C1QTNF9: variants seen among roughly 807,000 people sequenced by gnomAD.
C1QTNF9 encodes complement C1q and tumor necrosis factor-related protein 9A.
Under a neutral mutation model 10.1 loss-of-function variants are expected in C1QTNF9, and 6 were observed. That is an observed-to-expected ratio of 0.59 (90% CI 0.32 to 1.17). The LOEUF is 1.17. C1QTNF9 is among the 50% of genes most tolerant of loss of function. The probability of loss-of-function intolerance (pLI) is 0.04; values close to 1 mark genes in which losing one functional copy is unlikely to be tolerated. For missense variants in C1QTNF9, 201 were observed against 418.8 expected (o/e 0.48, Z 4.54); for synonymous variants, 98 against 163.5 (o/e 0.60, Z 3.06).
At chr13:24,312,962 A>G (rs1035262862) in intron 1 of C1QTNF9, among the ~76,000 whole-genome samples, 7 of 151,346 alleles carry the variant, frequency 4.6e-5, no homozygotes, top group Non-Finnish European at 1.5e-5. Context: ...CTCAAAAAAA[A>G]AAAAAAAGAA....
At chr13:24,314,097 G>A (rs933550506) in intron 1 of C1QTNF9, among the ~76,000 whole-genome samples, 9 of 152,164 alleles carry the variant, frequency 5.9e-5, no homozygotes, top group African/African-American at 1.7e-4. Flanking sequence ...GAATTTTAGG[G>A]ATAGCAATAC....
intron 1 of C1QTNF9, among the ~76,000 whole-genome samples, chr13:24,312,145 C>CT (rs1877850257): frequency 6.6e-6 from 1 of 152,238 alleles, no homozygotes; most frequent in Admixed American, 6.5e-5. Flanking sequence ...GATACCCAGT[C>CT]ACCTTCCCAA....
chr13:24,315,198 C>A (rs1877979715), intron 1 of C1QTNF9, among the ~76,000 whole-genome samples: 1 of 152,188 alleles, frequency 6.6e-6, no homozygotes, highest in African/African-American at 2.4e-5. Flanking sequence ...ACCCATCAAA[C>A]AACTCCCATT....
intron 2 of C1QTNF9, among the ~76,000 whole-genome samples, chr13:24,317,980 AT>A (rs1289854243): frequency 6.6e-6 from 1 of 152,090 alleles, no homozygotes; most frequent in East Asian, 1.9e-4. Flanking sequence ...CGTGACAGAA[AT>A]AAGTCTGCCT....
At chr13:24,308,782 T>G (rs569596602), upstream of C1QTNF9, among the ~76,000 whole-genome samples, 44 of 152,358 alleles carry the variant, frequency 2.9e-4, no homozygotes, top group African/African-American at 1.0e-3. Flanking sequence ...CCTCTGCTCC[T>G]GCTGCGTGCA....
At chr13:24,321,495 C>T in exon 4 of C1QTNF9, 2 of 1,613,742 alleles carry the variant, frequency 1.2e-6, no homozygotes, top group Non-Finnish European at 8.5e-7. Context: ...AATTCACGTG[C>T]CACATTGCTG....
At chr13:24,322,397 A>C (rs1208633316) in exon 4 of C1QTNF9, 1 of 152,140 alleles carries the variant, frequency 6.6e-6, no homozygotes, top group African/African-American at 2.4e-5. Flanking sequence ...CACTTTGCTC[A>C]TTTTCTAACC....
At chr13:24,322,411 GT>G in exon 4 of C1QTNF9, 1 of 152,292 alleles carries the variant, frequency 6.6e-6, no homozygotes, top group East Asian at 1.9e-4. Flanking sequence ...TCTAACCTAG[GT>G]TTTAATCACC....
intron 1 of C1QTNF9, among the ~76,000 whole-genome samples, chr13:24,310,176 C>A (rs565632467): frequency 1.3e-5 from 2 of 150,286 alleles, no homozygotes; most frequent in East Asian, 4.0e-4. Context: ...TTTTTTGAGA[C>A]AGAGTCTCAC....
upstream of C1QTNF9, among the ~76,000 whole-genome samples, chr13:24,309,134 C>T (rs1877715761): frequency 6.6e-6 from 1 of 151,840 alleles, no homozygotes; most frequent in Non-Finnish European, 1.5e-5. Context: ...CCCGTAATTA[C>T]CCCAAGGTCA....
At chr13:24,319,838 A>G (rs1472837795) in intron 3 of C1QTNF9, among the ~76,000 whole-genome samples, 1 of 152,186 alleles carries the variant, frequency 6.6e-6, no homozygotes, top group Non-Finnish European at 1.5e-5. Context: ...GACTCACTGA[A>G]TGCAATATCC....
chr13:24,310,201 T>C (rs192294176), intron 1 of C1QTNF9, among the ~76,000 whole-genome samples: 2 of 151,866 alleles, frequency 1.3e-5, no homozygotes, highest in African/African-American at 4.8e-5. Context: ...TTGTCCAGAC[T>C]GGAGTGCAGT....
At chr13:24,316,230 C>G in intron 2 of C1QTNF9, 61 bp downstream of exon 2, 1 of 1,512,794 alleles carries the variant, frequency 6.6e-7, no homozygotes. Context: ...TCATCTCATT[C>G]ACTCATCATC....
At chr13:24,313,131 A>G (rs1056387231) in intron 1 of C1QTNF9, among the ~76,000 whole-genome samples, 2 of 152,156 alleles carry the variant, frequency 1.3e-5, no homozygotes, top group African/African-American at 4.8e-5. Context: ...CAAACAAATA[A>G]AACAGAAATA....
chr13:24,322,224 T>A (rs756926099), exon 4 of C1QTNF9: 62 of 155,540 alleles, frequency 4.0e-4, no homozygotes, highest in Non-Finnish European at 7.8e-4. Context: ...TTTTGTCTTT[T>A]AAAAAAATTT....
At chr13:24,317,364 A>G (rs1878081272) in intron 2 of C1QTNF9, among the ~76,000 whole-genome samples, 1 of 152,144 alleles carries the variant, frequency 6.6e-6, no homozygotes, top group African/African-American at 2.4e-5. Context: ...GGTGATAGAT[A>G]AAAAATAGAG....
chr13:24,309,308 T>C (rs1191706709), upstream of C1QTNF9, among the ~76,000 whole-genome samples: 5 of 141,558 alleles, frequency 3.5e-5, no homozygotes, highest in Non-Finnish European at 1.5e-5. Context: ...TATATATATA[T>C]GAAAGAAACC....
chr13:24,311,689 G>C (rs1593530821), intron 1 of C1QTNF9, among the ~76,000 whole-genome samples: 4 of 152,358 alleles, frequency 2.6e-5, no homozygotes, highest in African/African-American at 4.8e-5. Context: ...GGGCTCAGCT[G>C]TGTGTCAAGA....
At chr13:24,317,745 T>C (rs1274034584) in intron 2 of C1QTNF9, among the ~76,000 whole-genome samples, 1 of 150,836 alleles carries the variant, frequency 6.6e-6, no homozygotes, top group Non-Finnish European at 1.5e-5. Flanking sequence ...TGCGTGATCA[T>C]GAAAGCTCAG....
Sources: allele counts gnomAD v4.1 joint callset (sites outside exome capture counted in the v4.1 genomes callset), GRCh38; gene constraint gnomAD v4.1.1; transcripts MANE v1.5; gene names NCBI Gene and HGNC (gene_info 2026-07-23, HGNC 2026-07-21).